Variants in CSMD1 observed in about 807,000 individuals in gnomAD.
CSMD1 encodes CUB and sushi domain-containing protein 1.
In CSMD1, 213 loss-of-function variants were observed where a neutral mutation model predicts 417.5. The observed-to-expected ratio is 0.51, with a 90% CI of 0.46 to 0.57. The LOEUF is 0.57. Among genes scored for constraint, CSMD1 ranks in the 20% least tolerant of loss-of-function variants. The pLI, the probability that CSMD1 is intolerant of heterozygous loss-of-function variation, is 0.00. For missense variants in CSMD1, 6,923 were observed against 4,529.7 expected (o/e 1.53, Z -15.17); for synonymous variants, 2,862 against 1,736.8 (o/e 1.65, Z -16.11).
chr8:3,685,508 T>C (rs1799900798), intron 7 of CSMD1, among the ~76,000 whole-genome samples: 1 of 152,138 alleles, frequency 6.6e-6, no homozygotes, highest in South Asian at 2.1e-4. Flanking sequence ...TCCACCTCCC[T>C]GACCTACTAA....
At chr8:4,905,144 G>T (rs959403683) in intron 1 of CSMD1, among the ~76,000 whole-genome samples, 3 of 151,978 alleles carry the variant, frequency 2.0e-5, no homozygotes, top group African/African-American at 2.4e-5. Flanking sequence ...CATAAGGAAT[G>T]AAATCCTGGG....
chr8:3,282,367 TA>T (rs1269335149), intron 26 of CSMD1, among the ~76,000 whole-genome samples: 4 of 151,850 alleles, frequency 2.6e-5, no homozygotes, highest in African/African-American at 4.8e-5. Context: ...AAAACTACTC[TA>T]AAAAAATAAA....
intron 51 of CSMD1, among the ~76,000 whole-genome samples, chr8:3,026,034 C>T (rs183053592): frequency 1.3e-5 from 2 of 152,192 alleles, no homozygotes; most frequent in African/African-American, 4.8e-5. Context: ...AAATCCTCTC[C>T]CCCTGAGTGA....
intron 2 of CSMD1, among the ~76,000 whole-genome samples, chr8:4,449,349 C>CCT (rs1251913421): frequency 6.6e-6 from 1 of 152,142 alleles, no homozygotes; most frequent in Non-Finnish European, 1.5e-5. Flanking sequence ...TAAGCCTCCC[C>CCT]CTCTCTTTTT....
At chr8:3,095,623 C>A (rs976687870) in intron 47 of CSMD1, among the ~76,000 whole-genome samples, 1 of 152,156 alleles carries the variant, frequency 6.6e-6, no homozygotes, top group Non-Finnish European at 1.5e-5. Flanking sequence ...AAAGTGAATA[C>A]AAACACACAT....
chr8:3,742,128 G>A (rs898955265), intron 6 of CSMD1, among the ~76,000 whole-genome samples: 2 of 151,942 alleles, frequency 1.3e-5, no homozygotes, highest in African/African-American at 4.8e-5. Context: ...CAGTCTATTT[G>A]TCTATCCACC....
chr8:3,607,655 T>C (rs1337337087), intron 8 of CSMD1, among the ~76,000 whole-genome samples: 8 of 152,158 alleles, frequency 5.3e-5, no homozygotes, highest in Non-Finnish European at 4.4e-5. Context: ...ATGCAGTCCA[T>C]TGTTAGGCAG....
chr8:4,909,803 C>A (rs1189964778), intron 1 of CSMD1, among the ~76,000 whole-genome samples: 2 of 152,116 alleles, frequency 1.3e-5, no homozygotes, highest in Admixed American at 6.5e-5. Context: ...CTCTGTGGAC[C>A]CACCTGTCCT....
At chr8:3,280,004 G>C (rs564270829) in intron 26 of CSMD1, among the ~76,000 whole-genome samples, 4 of 152,206 alleles carry the variant, frequency 2.6e-5, no homozygotes, top group African/African-American at 4.8e-5. Context: ...CAGAGATCCG[G>C]AAAGAGATGG....
chr8:4,394,025 A>G (rs1168197778), intron 3 of CSMD1, among the ~76,000 whole-genome samples: 1 of 152,210 alleles, frequency 6.6e-6, no homozygotes, highest in Non-Finnish European at 1.5e-5. Context: ...CTGCCTTCAA[A>G]GAACACCTCA....
chr8:4,947,552 C>T (rs1267746662), intron 1 of CSMD1, among the ~76,000 whole-genome samples: 2 of 152,064 alleles, frequency 1.3e-5, no homozygotes, highest in Non-Finnish European at 2.9e-5. Context: ...TGATAATTCT[C>T]TGAATATAAA....
chr8:2,956,140 G>C (rs1802993469), intron 63 of CSMD1, among the ~76,000 whole-genome samples: 2 of 152,032 alleles, frequency 1.3e-5, no homozygotes, highest in South Asian at 4.1e-4. Context: ...ATATGTTAAA[G>C]ATCCTTAAAA....
intron 3 of CSMD1, among the ~76,000 whole-genome samples, chr8:4,097,246 G>T (rs528364835): frequency 6.6e-6 from 1 of 152,054 alleles, no homozygotes; most frequent in African/African-American, 2.4e-5. Context: ...GTAGTACAAA[G>T]AACTGGAAAT....
At chr8:3,047,902 G>A (rs949034889) in intron 50 of CSMD1, among the ~76,000 whole-genome samples, 1 of 152,162 alleles carries the variant, frequency 6.6e-6, no homozygotes, top group Admixed American at 6.5e-5. Flanking sequence ...AGTAGTTTCT[G>A]TTTATGCCGT....
chr8:4,959,362 GGCAATC>G (rs1049133248), intron 1 of CSMD1, among the ~76,000 whole-genome samples: 7 of 152,200 alleles, frequency 4.6e-5, no homozygotes, highest in Non-Finnish European at 8.8e-5. Flanking sequence ...CATGTCAGGT[GGCAATC>G]CCCAACCAGG....
intron 1 of CSMD1, among the ~76,000 whole-genome samples, chr8:4,693,205 C>T (rs989923185): frequency 2.0e-5 from 3 of 152,164 alleles, no homozygotes; most frequent in African/African-American, 7.2e-5. Context: ...TGTGAGACAC[C>T]ATGCTCACCC....
At chr8:4,414,865 C>CA in intron 3 of CSMD1, among the ~76,000 whole-genome samples, 1 of 152,270 alleles carries the variant, frequency 6.6e-6, no homozygotes, top group African/African-American at 2.4e-5. Context: ...AGAGAGTAGG[C>CA]ATATGAGGTG....
intron 5 of CSMD1, among the ~76,000 whole-genome samples, chr8:3,898,735 C>G (rs558106853): frequency 1.3e-5 from 2 of 152,276 alleles, no homozygotes; most frequent in African/African-American, 2.4e-5. Flanking sequence ...GAAAATCCTA[C>G]TTTTCTGCTA....
At chr8:4,753,850 G>C (rs928918808) in intron 1 of CSMD1, among the ~76,000 whole-genome samples, 1 of 152,100 alleles carries the variant, frequency 6.6e-6, no homozygotes, top group East Asian at 1.9e-4. Flanking sequence ...TGTGATAATT[G>C]AACTAGATTC....
Sources: gnomAD v4.1 joint callset for allele counts (sites outside exome capture counted in the v4.1 genomes callset) on GRCh38, gnomAD v4.1.1 for gene constraint, MANE v1.5 for transcripts, NCBI Gene and HGNC (gene_info 2026-07-23, HGNC 2026-07-21) for gene names.